The following EYA1 variants were observed in gnomAD, a reference collection of about 807,000 sequenced individuals.
EYA1 encodes EYA transcriptional coactivator and phosphatase 1, also known as protein phosphatase EYA1.
Under a neutral mutation model 82.0 loss-of-function variants are expected in EYA1, and 16 were observed. That is an observed-to-expected ratio of 0.20 (90% CI 0.13 to 0.30). The LOEUF is 0.30. Among genes scored for constraint, EYA1 ranks in the 10% least tolerant of loss-of-function variants. The probability of loss-of-function intolerance (pLI) is 1.00; values close to 1 mark genes in which losing one functional copy is unlikely to be tolerated. For missense variants in EYA1, 633 were observed against 730.7 expected (o/e 0.87, Z 1.54); for synonymous variants, 261 against 264.4 (o/e 0.99, Z 0.12).
At chr8:71,241,207 T>C (rs1030460696) in intron 12 of EYA1, among the ~76,000 whole-genome samples, 20 of 152,186 alleles carry the variant, frequency 1.3e-4, no homozygotes, top group Non-Finnish European at 2.6e-4. Context: ...CATTTTTTTC[T>C]CCTTTTTGTT....
chr8:71,345,973 A>G (rs1825647297), intron 3 of EYA1, among the ~76,000 whole-genome samples: 1 of 151,974 alleles, frequency 6.6e-6, no homozygotes, highest in African/African-American at 2.4e-5. Flanking sequence ...CATGCTCCTC[A>G]TCTTACACAT....
At chr8:71,269,907 C>G in intron 10 of EYA1, 84 bp from the exon 11 acceptor site, 2 of 988,922 alleles carry the variant, frequency 2.0e-6, no homozygotes, top group Non-Finnish European at 3.3e-6. Flanking sequence ...AAAAAGTCAT[C>G]TTGAAACGGA....
intron 2 of EYA1, among the ~76,000 whole-genome samples, chr8:71,406,808 C>A (rs1339664479): frequency 2.0e-5 from 3 of 146,622 alleles, no homozygotes; most frequent in African/African-American, 5.0e-5. Flanking sequence ...GGGGCGCCCG[C>A]CATTGCCCAG....
chr8:71,484,393 G>A (rs1810403116), intron 2 of EYA1, among the ~76,000 whole-genome samples: 1 of 152,204 alleles, frequency 6.6e-6, no homozygotes, highest in Non-Finnish European at 1.5e-5. Flanking sequence ...TAAAGTGGCA[G>A]GCAAAGGTTA....
chr8:71,506,627 G>A (rs1326140779), intron 2 of EYA1, among the ~76,000 whole-genome samples: 1 of 152,146 alleles, frequency 6.6e-6, no homozygotes, highest in East Asian at 1.9e-4. Context: ...AGAGCTTTCA[G>A]ATAGATCTTT....
chr8:71,263,869 G>T (rs559094261), intron 11 of EYA1, among the ~76,000 whole-genome samples: 1 of 152,032 alleles, frequency 6.6e-6, no homozygotes, highest in African/African-American at 2.4e-5. Flanking sequence ...GTCAATCCTC[G>T]GTCTAGAGTT....
At chr8:71,280,947 G>A (rs1817748751) in intron 9 of EYA1, among the ~76,000 whole-genome samples, 1 of 152,224 alleles carries the variant, frequency 6.6e-6, no homozygotes, top group African/African-American at 2.4e-5. Context: ...TTATACAGAT[G>A]TGGTTCCGCC....
intron 2 of EYA1, among the ~76,000 whole-genome samples, chr8:71,398,407 G>C (rs910167461): frequency 7.2e-5 from 11 of 152,158 alleles, no homozygotes; most frequent in African/African-American, 2.7e-4. Flanking sequence ...TTCTGCTCTG[G>C]TTTCTTCCCA....
intron 11 of EYA1, among the ~76,000 whole-genome samples, chr8:71,261,728 A>C (rs1815134469): frequency 6.6e-6 from 1 of 152,214 alleles, no homozygotes; most frequent in African/African-American, 2.4e-5. Flanking sequence ...AGGAAGAAGA[A>C]TAAAGCCAGC....
intron 3 of EYA1, among the ~76,000 whole-genome samples, chr8:71,353,322 A>T (rs1826494179): frequency 6.6e-6 from 1 of 152,228 alleles, no homozygotes; most frequent in Non-Finnish European, 1.5e-5. Context: ...GAGAGGAAAT[A>T]GGACTGCTTG....
intron 2 of EYA1, among the ~76,000 whole-genome samples, chr8:71,394,685 G>T (rs1829482183): frequency 6.6e-6 from 1 of 152,124 alleles, no homozygotes; most frequent in Admixed American, 6.5e-5. Context: ...TGCTGGTTTG[G>T]TTACTGTAGC....
At chr8:71,209,960 A>AATAACAATAGCTACCATT (rs1212154390) in intron 17 of EYA1, among the ~76,000 whole-genome samples, 1 of 152,210 alleles carries the variant, frequency 6.6e-6, no homozygotes, top group Non-Finnish European at 1.5e-5. Flanking sequence ...GCACATAAAC[A>AATAACAATAGCTACCATT]ATAACAATAG....
chr8:71,453,196 G>T (rs140387570), intron 2 of EYA1, among the ~76,000 whole-genome samples: 1 of 152,176 alleles, frequency 6.6e-6, no homozygotes, highest in African/African-American at 2.4e-5. Context: ...TGAATGAAAT[G>T]AAGTGAGAAG....
intron 12 of EYA1, among the ~76,000 whole-genome samples, chr8:71,228,618 G>T (rs1810837839): frequency 6.6e-6 from 1 of 152,160 alleles, no homozygotes; most frequent in African/African-American, 2.4e-5. Flanking sequence ...TATTATGTGT[G>T]TTATATATTA....
At chr8:71,291,701 C>CT (rs1487079265) in intron 9 of EYA1, among the ~76,000 whole-genome samples, 2 of 152,018 alleles carry the variant, frequency 1.3e-5, no homozygotes, top group African/African-American at 2.4e-5. Flanking sequence ...CTAAATAGTG[C>CT]TTTTTTAAGA....
chr8:71,204,787 A>G (rs563352473), intron 17 of EYA1, among the ~76,000 whole-genome samples: 20 of 152,364 alleles, frequency 1.3e-4, no homozygotes, highest in Non-Finnish European at 1.8e-4. Flanking sequence ...AATTGTAAAG[A>G]AAGATATCAA....
chr8:71,211,259 A>G lies in EYA1; in HGVS notation c.1598-3T>C. On this transcript the variant is annotated splice_polypyrimidine_tract_variant and splice_region_variant and intron_variant, in intron 16 of 17. Coordinates refer to ENST00000340726, the MANE Select transcript of EYA1 (RefSeq NM_000503.6). The stretch of plus-strand genomic sequence containing the variant: ...TCTCTCAAAACAGCTTTCTTTTCCT[A>G]GTGAACAAAAATAAATGATAGAAAA... 6.3e-7 allele frequency: 1 copy of G among 1,581,064 alleles called. No homozygotes were observed. Among genetic ancestry groups the G allele is most frequent in the Non-Finnish European group, 8.7e-7 (1 of 1,150,344 alleles).
At chr8:71,248,429 T>C (rs1243573383) in intron 11 of EYA1, among the ~76,000 whole-genome samples, 1 of 152,256 alleles carries the variant, frequency 6.6e-6, no homozygotes, top group Non-Finnish European at 1.5e-5. Context: ...TGAAATATAT[T>C]TGCCAAAGCA....
intron 12 of EYA1, among the ~76,000 whole-genome samples, chr8:71,223,255 A>T (rs1041449781): frequency 6.6e-6 from 1 of 152,148 alleles, no homozygotes; most frequent in Non-Finnish European, 1.5e-5. Context: ...AAGAGGGCAG[A>T]TGGCACCAGT....
Sources: allele counts gnomAD v4.1 joint callset (sites outside exome capture counted in the v4.1 genomes callset), GRCh38; gene constraint gnomAD v4.1.1; transcripts MANE v1.5; gene names NCBI Gene and HGNC (gene_info 2026-07-23, HGNC 2026-07-21).